CLDN16: variants seen among roughly 807,000 people sequenced by gnomAD.
The protein encoded by CLDN16 is claudin-16.
Under a neutral mutation model 24.6 loss-of-function variants are expected in CLDN16, and 13 were observed. That is an observed-to-expected ratio of 0.53 (90% confidence interval 0.34 to 0.84). The LOEUF is 0.84. CLDN16 is among the 40% of genes least tolerant of loss of function. CLDN16 has a pLI of 0.01. For synonymous variants in CLDN16, 116 were observed against 106.7 expected, an observed-to-expected ratio of 1.09 and a Z score of -0.54; for missense variants, 298 against 292.7, an observed-to-expected ratio of 1.02 and a Z score of -0.13.
intron 1 of CLDN16, among the ~76,000 whole-genome samples, chr3:190,342,778 T>C (rs1274722806): frequency 6.6e-6 from 1 of 152,098 alleles, no homozygotes; most frequent in Non-Finnish European, 1.5e-5. Flanking sequence ...AAGAAATACA[T>C]TGGACCCTTC....
chr3:190,404,737 T>G, intron 2 of CLDN16, 25 bp from the exon 3 acceptor site: 1 of 1,613,314 alleles, frequency 6.2e-7, no homozygotes, highest in East Asian at 2.2e-5. Context: ...TGACTCTGCT[T>G]TAACCATATG....
intron 1 of CLDN16, among the ~76,000 whole-genome samples, chr3:190,325,404 T>A (rs1365416900): frequency 8.5e-5 from 13 of 152,222 alleles, no homozygotes; most frequent in Admixed American, 8.5e-4. Flanking sequence ...GATATTTTAC[T>A]CTGTGACTGT....
intron 1 of CLDN16, among the ~76,000 whole-genome samples, chr3:190,344,522 AT>A (rs1395793615): frequency 1.3e-5 from 2 of 151,984 alleles, no homozygotes; most frequent in Non-Finnish European, 2.9e-5. Context: ...TACATACTGT[AT>A]TACATACTAT....
At position 190,380,445 on chromosome 3, in the gene CLDN16, A is replaced by G. The variant is rs140314719; in HGVS notation, n.306+5842A>G. ...CAAAGTTAATATTTATTCCTGAGGG[A>G]TGGTTAGGATTATGATAAATGGTAG... is the stretch of plus-strand genomic sequence containing the variant. On this transcript the variant is annotated intron_variant and non_coding_transcript_variant, in intron 3 of 4. Coordinates refer to the CLDN16 transcript ENST00000468220. Among the ~76,000 whole-genome samples the G allele has an allele frequency of 3.9e-3, 598 of 152,122 alleles. 4 individuals carry two copies. The highest frequency in any genetic ancestry group is 0.014 in the African/African-American group (575 of 41,514).
chr3:190,366,099 G>A (rs1029942862), intron 1 of CLDN16, among the ~76,000 whole-genome samples: 15 of 151,898 alleles, frequency 9.9e-5, no homozygotes, highest in African/African-American at 3.6e-4. Flanking sequence ...GCTTTCTGGA[G>A]CTCTTAAGTC....
rs142664428 is a variant in CLDN16 at position 190,376,776 on chromosome 3, G to A, written n.306+2173G>A. Among the ~76,000 whole-genome samples, 155 of 152,094 alleles carry A rather than the reference G, an allele frequency of 1.0e-3. 1 individual carries two copies. Among genetic ancestry groups the A allele is most frequent in the African/African-American group, 3.5e-3 (147 of 41,556 alleles). The stretch of plus-strand genomic sequence containing the variant: ...GAAGAGACACAGAGAATTACAGTTT[G>A]ATAAGTGATGTAACAGGAAGAGGTA... On this transcript the variant is annotated intron_variant and non_coding_transcript_variant, in intron 3 of 4. Coordinates refer to the CLDN16 transcript ENST00000468220.
At chr3:190,384,008 C>T (rs759249834), upstream of CLDN16, among the ~76,000 whole-genome samples, 31 of 152,124 alleles carry the variant, frequency 2.0e-4, no homozygotes, top group Admixed American at 1.8e-3. Context: ...GACAAGAAGG[C>T]AGCCTCAGAA....
intron 1 of CLDN16, among the ~76,000 whole-genome samples, chr3:190,398,108 G>A (rs906887247): frequency 6.6e-6 from 1 of 152,154 alleles, no homozygotes; most frequent in Non-Finnish European, 1.5e-5. Context: ...TGGATGCAGC[G>A]TGTTCCTGTT....
At chr3:190,320,947 C>T (rs1249088396), upstream of CLDN16, among the ~76,000 whole-genome samples, 6 of 149,422 alleles carry the variant, frequency 4.0e-5, no homozygotes, top group African/African-American at 1.5e-4. Context: ...ACAAGGAACT[C>T]GAAACCTTTA....
intron 1 of CLDN16, among the ~76,000 whole-genome samples, chr3:190,348,836 A>G (rs192784180): frequency 1.3e-5 from 2 of 151,822 alleles, no homozygotes; most frequent in East Asian, 3.9e-4. Flanking sequence ...CCTCCAAAAG[A>G]CCCCAGTGTG....
intron 1 of CLDN16, among the ~76,000 whole-genome samples, chr3:190,363,316 C>T (rs1176736124): frequency 6.6e-6 from 1 of 151,464 alleles, no homozygotes; most frequent in Non-Finnish European, 1.5e-5. Flanking sequence ...TCCCATTTAT[C>T]TCTTTAAACT....
chr3:190,363,556 GTATATATATATATA>G (rs1221514630), intron 1 of CLDN16, among the ~76,000 whole-genome samples: 3 of 87,402 alleles, frequency 3.4e-5, no homozygotes, highest in South Asian at 3.8e-4. Context: ...GTGTGTGTGT[GTATATATATATATA>G]TATATATATA....
At chr3:190,401,706 T>C (rs764608394) in intron 1 of CLDN16, among the ~76,000 whole-genome samples, 12 of 152,214 alleles carry the variant, frequency 7.9e-5, no homozygotes, top group Non-Finnish European at 1.5e-4. Context: ...ATGCTCAATC[T>C]GCTTACATCC....
At chr3:190,376,036 T>G (rs1018379608) in intron 3 of CLDN16, among the ~76,000 whole-genome samples, 1 of 151,870 alleles carries the variant, frequency 6.6e-6, no homozygotes, top group African/African-American at 2.4e-5. Context: ...TTTGTTTGTT[T>G]TAGTGGCAGG....
chr3:190,300,958 T>A, the CLDN16 span, among the ~76,000 whole-genome samples: 3 of 152,282 alleles, frequency 2.0e-5, no homozygotes, highest in Non-Finnish European at 4.4e-5. Context: ...AAAAGATGGA[T>A]CCGGTAATGA....
At chr3:190,346,785 C>T (rs2108632827) in intron 1 of CLDN16, among the ~76,000 whole-genome samples, 1 of 152,238 alleles carries the variant, frequency 6.6e-6, no homozygotes, top group African/African-American at 2.4e-5. Context: ...GATCCATCAC[C>T]CCAGCCTCTG....
intron 1 of CLDN16, among the ~76,000 whole-genome samples, chr3:190,363,578 A>G (rs1428206084): frequency 4.5e-5 from 6 of 134,690 alleles, no homozygotes; most frequent in African/African-American, 1.6e-4. Flanking sequence ...ATATATATAT[A>G]TATATATATA....
the CLDN16 span, chr3:190,308,332 G>T: frequency 1.9e-6 from 3 of 1,613,674 alleles, no homozygotes; most frequent in East Asian, 6.7e-5. Context: ...CCTTGGTGTT[G>T]GGTAAGAGGT....
chr3:190,302,366 C>T, the CLDN16 span, among the ~76,000 whole-genome samples: 1 of 152,130 alleles, frequency 6.6e-6, no homozygotes, highest in Non-Finnish European at 1.5e-5. Context: ...AATGTAACTT[C>T]CTGGAAGAAA....
Sources: gnomAD v4.1 joint callset for allele counts (sites outside exome capture counted in the v4.1 genomes callset) on GRCh38, gnomAD v4.1.1 for gene constraint, MANE v1.5 for transcripts, NCBI Gene and HGNC (gene_info 2026-07-23, HGNC 2026-07-21) for gene names.